ZNF484: variants seen among roughly 807,000 people sequenced by gnomAD.
ZNF484 encodes the protein zinc finger protein 484, also known as KRAB box containing C2H2 type zinc finger bA526D8.4.
Under a neutral mutation model 12.9 loss-of-function variants are expected in ZNF484, and 11 were observed. That is an observed-to-expected ratio of 0.85 (90% confidence interval 0.54 to 1.41). ZNF484 has a LOEUF of 1.41. Ranked by LOEUF, ZNF484 falls within the 40% of genes most tolerant of loss-of-function variation. The pLI, the probability that ZNF484 is intolerant of heterozygous loss-of-function variation, is 0.00. For synonymous variants in ZNF484, 289 were observed against 334.1 expected, an observed-to-expected ratio of 0.86 and a Z score of 1.47; for missense variants, 807 against 1,007.7, an observed-to-expected ratio of 0.80 and a Z score of 2.70.
In ZNF484 at chr9:92,846,684, A is replaced by G. The variant is rs1454357818; in HGVS notation, c.2103T>C (p.Phe701=). Residue 701 remains phenylalanine, a synonymous_variant, in exon 5 of 5, where the codon TTT becomes TTC. Coordinates refer to ENST00000375495, the MANE Select transcript of ZNF484 (RefSeq NM_031486.4). ...GCATAATTAGTGTTGATTTTCTTGC[A>G]AAGGCTTTCCCACATTCACTGCACT... ...HYECSECGKA[F]ARKSTLIMHQ... 1 of 1,613,898 alleles carries G rather than the reference A, an allele frequency of 6.2e-7. No homozygotes were observed. The highest frequency in any genetic ancestry group is 2.2e-5 in the East Asian group (1 of 44,846).
chr9:92,860,529 G>A (rs1223062790), intron 2 of ZNF484, among the ~76,000 whole-genome samples: 15 of 151,486 alleles, frequency 9.9e-5, no homozygotes, highest in African/African-American at 1.5e-4. Context: ...GCGTGAACCC[G>A]GGAGGCGGAG....
Position 92,846,724 on chromosome 9 carries a change from C to G in ZNF484, c.2063G>C (p.Gly688Ala), listed in dbSNP as rs751490361. The G allele has an allele frequency of 2.5e-6, 4 of 1,614,034 alleles. No homozygotes were observed. Among genetic ancestry groups the G allele is most frequent in the Non-Finnish European group, 3.4e-6 (4 of 1,179,990 alleles). The change falls in exon 5 of 5, where the codon GGA becomes GCA. Residue 688 changes from glycine (G) to alanine (A), a missense_variant. Transcript: ENST00000375495. ...TTCACTGCACTCATAATGCCTTTCT[C>G]CAGTATGGGATTGCTGATGTATATG... ...GLHIHQQSHT[G>A]ERHYECSECG...
intron 4 of ZNF484, among the ~76,000 whole-genome samples, chr9:92,850,215 G>A (rs1855983561): frequency 6.6e-6 from 1 of 152,218 alleles, no homozygotes. Flanking sequence ...GAAGAGTTTA[G>A]TTAAATTTGC....
Position 92,844,188 on chromosome 9 carries a change from C to A in ZNF484, c.*2040G>T, listed in dbSNP as rs1034461241. On this transcript the variant is annotated 3_prime_UTR_variant, in exon 5 of 5. Coordinates refer to ENST00000375495, the MANE Select transcript of ZNF484 (RefSeq NM_031486.4). Reference sequence around the variant, plus strand: ...TATTATCCAGACCATCTTATTACCTCTAAAATTTTAATATATATTGTCTGG... The same window carrying A: ...TATTATCCAGACCATCTTATTACCTATAAAATTTTAATATATATTGTCTGG... Among the ~76,000 whole-genome samples the A allele has an allele frequency of 2.0e-5, 3 of 152,116 alleles. No individual in the cohort carries two copies. Among genetic ancestry groups the A allele is most frequent in the Non-Finnish European group, 4.4e-5 (3 of 68,030 alleles).
At chr9:92,857,013 G>A (rs1164003822) in intron 2 of ZNF484, among the ~76,000 whole-genome samples, 4 of 152,118 alleles carry the variant, frequency 2.6e-5, no homozygotes, top group African/African-American at 9.6e-5. Context: ...CATGAGCCAC[G>A]ACACCCAGCC....
chr9:92,846,594 C>G lies in ZNF484; in HGVS notation c.2193G>C (p.Gln731His), dbSNP rs1186069005. Residue 731 changes from glutamine to histidine, a missense_variant, in exon 5 of 5, where the codon CAG (glutamine) becomes CAC (histidine). Transcript: ENST00000375495. ...ICNECGKSFI[Q>H]KSHLNRHRRI... ...TCCTGTGTCTATTTAAGTGTGACTT[C>G]TGGATGAAGGATTTCCCACATTCAT... The G allele has an allele frequency of 1.9e-6, 3 of 1,613,266 alleles. No homozygotes were observed. Among genetic ancestry groups the G allele is most frequent in the African/African-American group, 1.3e-5 (1 of 74,816 alleles).
Position 92,846,455 on chromosome 9 carries a change from A to G in ZNF484, c.2332T>C (p.Cys778Arg), listed in dbSNP as rs750356366. ...GTGAAGGCCTTTCCACACTCAGCAC[A>G]TATATATGGTTTCTCTCCTGTGTGA... is the stretch of plus-strand genomic sequence containing the variant. Reference protein sequence around the residue: ...RIHTGEKPYICAECGKAFTIR... With the variant: ...RIHTGEKPYIRAECGKAFTIR... Residue 778 changes from cysteine to arginine, a missense_variant, in exon 5 of 5, where the codon TGT (cysteine) becomes CGT (arginine). By Grantham distance (180) the Cys-to-Arg change is radical. Coordinates refer to ENST00000375495, the MANE Select transcript of ZNF484 (RefSeq NM_031486.4). The G allele has an allele frequency of 5.0e-6, 8 of 1,613,982 alleles. No homozygotes were observed. The Admixed American group carries it at 1.2e-4, about 24-fold the overall frequency.
intron 2 of ZNF484, 141 bp downstream of exon 2, chr9:92,874,874 A>G (rs1857699199): frequency 2.6e-6 from 2 of 781,270 alleles, no homozygotes; most frequent in African/African-American, 1.8e-5. Context: ...TGGGGCTGAC[A>G]GTCTCTTCTT....
rs138744258 is a variant in ZNF484 at position 92,846,474 on chromosome 9, T to C, written c.2313A>G (p.Thr771=). Residue 771 remains threonine, a synonymous_variant, in exon 5 of 5, where the codon ACA becomes ACG. Coordinates refer to ENST00000375495, the MANE Select transcript of ZNF484 (RefSeq NM_031486.4). ...SQLHEHHRIH[T]GEKPYICAEC... ...CAGCACATATATATGGTTTCTCTCC[T>C]GTGTGAATTCGATGATGCTCATGGA... is the stretch of plus-strand genomic sequence containing the variant. 1.5e-5 allele frequency: 24 copies of C among 1,614,166 alleles called. No homozygotes were observed. In the South Asian group the frequency reaches 2.0e-4, roughly 13 times the overall value.
rs556522373 is a variant in ZNF484, at chr9:92,848,381, A to G, written c.406T>C (p.Leu136=). The G allele has an allele frequency of 7.9e-4, 1,271 of 1,614,110 alleles. 22 individuals are homozygous for G. The South Asian group carries it at 0.013, about 17-fold the overall frequency. Residue 136 remains leucine, a synonymous_variant, in exon 5 of 5, where the codon TTA becomes CTA. Transcript: ENST00000375495. This position sits in a 1 kb window ranked among gnomAD's most constrained non-coding sequence, Gnocchi z 4.1. Reference sequence around the variant, plus strand: ...TTGTTAATGAAGACAACACGACTTAAAGGTTTGTTCTGGTTTTCTCCACAT... The same window carrying G: ...TTGTTAATGAAGACAACACGACTTAGAGGTTTGTTCTGGTTTTCTCCACAT... The part of the protein sequence containing the change: ...RKCGENQNKP[L]SRVVFINKKT...
At chr9:92,852,258 A>G (rs1856136612) in intron 4 of ZNF484, among the ~76,000 whole-genome samples, 1 of 152,162 alleles carries the variant, frequency 6.6e-6, no homozygotes, top group Non-Finnish European at 1.5e-5. Flanking sequence ...GCTGAGCACA[A>G]AATATGTGTA....
At chr9:92,854,500 G>A (rs1338298418) in intron 4 of ZNF484, among the ~76,000 whole-genome samples, 2 of 152,148 alleles carry the variant, frequency 1.3e-5, no homozygotes, top group African/African-American at 2.4e-5. Context: ...GGTGGATCAC[G>A]AGGTCAGGAG....
intron 2 of ZNF484, among the ~76,000 whole-genome samples, chr9:92,860,486 C>T (rs1856715567): frequency 6.6e-6 from 1 of 151,800 alleles, no homozygotes; most frequent in Non-Finnish European, 1.5e-5. Flanking sequence ...CGCCTGTAGT[C>T]CCAGCTACTT....
At chr9:92,858,070 A>G (rs557517869) in intron 2 of ZNF484, among the ~76,000 whole-genome samples, 1 of 152,360 alleles carries the variant, frequency 6.6e-6, no homozygotes, top group East Asian at 1.9e-4. Context: ...ACAAACAAAA[A>G]AATCCTACAC....
intron 2 of ZNF484, among the ~76,000 whole-genome samples, chr9:92,873,020 T>TA (rs1857552465): frequency 6.6e-6 from 1 of 152,204 alleles, no homozygotes; most frequent in African/African-American, 2.4e-5. Flanking sequence ...TTCGTATGTT[T>TA]AGGCTGTAAC....
chr9:92,872,490 CAAAAA>C (rs537371475), intron 2 of ZNF484, among the ~76,000 whole-genome samples: 5,948 of 44,066 alleles, frequency 0.13, 69 homozygotes, highest in Admixed American at 0.17. Context: ...ATCTCTGCCT[CAAAAA>C]AAAAAAAAAA....
chr9:92,868,132 A>G (rs1857216462), intron 2 of ZNF484, among the ~76,000 whole-genome samples: 1 of 152,060 alleles, frequency 6.6e-6, no homozygotes, highest in Admixed American at 6.6e-5. Flanking sequence ...GCTGGGCTGC[A>G]CTCCTTCTGG....
chr9:92,854,518 C>T (rs1456693715), intron 4 of ZNF484, among the ~76,000 whole-genome samples: 2 of 152,112 alleles, frequency 1.3e-5, no homozygotes, highest in Non-Finnish European at 2.9e-5. Flanking sequence ...GAGATCGAGA[C>T]CATCCTGGCT....
intron 2 of ZNF484, among the ~76,000 whole-genome samples, chr9:92,864,685 A>G (rs1856965572): frequency 6.6e-6 from 1 of 152,212 alleles, no homozygotes; most frequent in Non-Finnish European, 1.5e-5. Context: ...TCAGGAAAAT[A>G]TAATTCATAT....
Sources: allele counts gnomAD v4.1 joint callset (sites outside exome capture counted in the v4.1 genomes callset), GRCh38; gene constraint gnomAD v4.1.1; non-coding constraint Gnocchi (gnomAD v3.1); transcripts MANE v1.5; gene names NCBI Gene and HGNC (gene_info 2026-07-23, HGNC 2026-07-21).